TTN: variants seen among roughly 807,000 people sequenced by gnomAD.
TTN encodes connectin.
A neutral mutation model predicts 3,223.0 loss-of-function variants in TTN; 1,525 were observed. That is an observed-to-expected ratio of 0.47 (90% CI 0.45 to 0.49). The LOEUF (loss-of-function observed/expected upper bound fraction) is 0.49, where lower values mean the gene tolerates loss of function less well. TTN is among the 20% of genes least tolerant of loss of function. TTN has a pLI of 0.00. For missense variants in TTN, 40,786 were observed against 43,424.0 expected (o/e 0.94, Z 5.40); for synonymous variants, 14,094 against 15,161.0 (o/e 0.93, Z 5.17).
In TTN at chr2:178,727,722, T is replaced by G. The variant is rs368720026; in HGVS notation, c.19856A>C (p.Lys6619Thr). The G allele has an allele frequency of 8.7e-6, 14 of 1,613,214 alleles. No homozygotes were observed. In the African/African-American group the frequency reaches 1.3e-4, roughly 15 times the overall value. ...CGACCCTTCCAAGCCAATGAAACATTTAGGACCTGAGACAAGTTCCACATC... is the reference window on the plus strand; with the variant it reads ...CGACCCTTCCAAGCCAATGAAACATGTAGGACCTGAGACAAGTTCCACATC... Reference protein sequence around the residue: ...KDDVELVSGPKCFIGLEGSTS... With the variant: ...KDDVELVSGPTCFIGLEGSTS... Residue 6619 changes from lysine (K) to threonine (T), a missense_variant, in exon 68 of 363, where the codon AAA (lysine) becomes ACA (threonine). Physicochemically the swap from Lys to Thr is moderately conservative, Grantham distance 78. Coordinates refer to ENST00000589042, the MANE Select transcript of TTN (RefSeq NM_001267550.2).
intron 259 of TTN, 132 bp downstream of exon 259, chr2:178,615,175 T>G: frequency 1.7e-6 from 2 of 1,193,196 alleles, no homozygotes; most frequent in Non-Finnish European, 2.4e-6. Flanking sequence ...GCAGCACCTT[T>G]AAAAATCAGA....
chr2:178,793,379 A>G, intron 9 of TTN, 25 bp downstream of exon 9: 1 of 1,613,278 alleles, frequency 6.2e-7, no homozygotes, highest in Non-Finnish European at 8.5e-7. Context: ...ACCTCAGTGA[A>G]TTTAAAATAC....
intron 235 of TTN, 32 bp from the exon 236 acceptor site, chr2:178,632,445 T>C (rs1222700839): frequency 1.9e-6 from 3 of 1,577,728 alleles, no homozygotes; most frequent in South Asian, 2.4e-5. Flanking sequence ...AACTTATTAA[T>C]TGAAGCACTT....
At chr2:178,745,866 C>T (rs1167589261) in intron 47 of TTN, 2 of 1,612,624 alleles carry the variant, frequency 1.2e-6, no homozygotes, top group Admixed American at 3.3e-5. Flanking sequence ...CTGGGAGGCC[C>T]TTCCACCACC....
rs141005138 is a variant in TTN, at chr2:178,572,393, A to G, written c.73739T>C (p.Val24580Ala). The G allele has an allele frequency of 6.2e-6, 10 of 1,613,078 alleles. No homozygotes were observed. In the African/African-American group the frequency reaches 9.3e-5, roughly 15 times the overall value. ...GCTACAGCCTTCTTGAAGCTGGTCT[A>G]CCTTCCAGGAAGTCTTGTGGCAGTT... Reference protein sequence around the residue: ...ATNCHKTSWKVDQLQEGCSYY... With the variant: ...ATNCHKTSWKADQLQEGCSYY... Residue 24580 changes from valine to alanine, a missense_variant, in exon 326 of 363, where the codon GTA becomes GCA. Transcript: ENST00000589042.
intron 68 of TTN, 92 bp downstream of exon 68, chr2:178,727,493 C>T: frequency 1.3e-6 from 2 of 1,497,172 alleles, no homozygotes; most frequent in East Asian, 2.3e-5. Flanking sequence ...AGAAAGAATA[C>T]TACTTTCTTG....
Position 178,570,295 on chromosome 2 carries a change from T to C in TTN, c.75837A>G (p.Ile25279Met), listed in dbSNP as rs897348852. 6.2e-7 allele frequency: 1 copy of C among 1,613,242 alleles called. No homozygotes were observed. Among genetic ancestry groups the C allele is most frequent in the Non-Finnish European group, 8.5e-7 (1 of 1,179,620 alleles). The change falls in exon 326 of 363, where the codon ATA becomes ATG. Residue 25279 changes from isoleucine to methionine, a missense_variant. Coordinates refer to ENST00000589042, the MANE Select transcript of TTN (RefSeq NM_001267550.2). Reference protein sequence around the residue: ...LLEGNEYTFRIMAVNKYGVGE... With the variant: ...LLEGNEYTFRMMAVNKYGVGE... ...CAACACCATATTTGTTTACTGCCAT[T>C]ATACGGAAAGTATATTCATTGCCTT...
Position 178,734,811 on chromosome 2 carries a change from A to G in TTN, c.15113T>C (p.Ile5038Thr), listed in dbSNP as rs949151920. The G allele has an allele frequency of 6.2e-7, 1 of 1,613,850 alleles. No individual in the cohort carries two copies. Reference sequence around the variant, plus strand: ...AACTTTTACATCCGTAATATCAAGTATAGCCTCAGAATTGACAAAATACAT... The same window carrying G: ...AACTTTTACATCCGTAATATCAAGTGTAGCCTCAGAATTGACAAAATACAT... ...VRMYFVNSEA[I>T]LDITDVKVED... Residue 5038 changes from isoleucine to threonine, a missense_variant, in exon 51 of 363, where the codon ATA (isoleucine) becomes ACA (threonine). Coordinates refer to ENST00000589042, the MANE Select transcript of TTN (RefSeq NM_001267550.2).
chr2:178,721,651 C>T (rs150051168), intron 78 of TTN, among the ~76,000 whole-genome samples, 196 bp downstream of exon 78: 5 of 152,198 alleles, frequency 3.3e-5, no homozygotes, highest in African/African-American at 1.2e-4. Flanking sequence ...TAAGATTACA[C>T]TTAGAGTTAC....
rs773941728 is a variant in TTN, at chr2:178,730,170, G to T, written c.18230C>A (p.Thr6077Asn). 2.3e-5 allele frequency: 37 copies of T among 1,613,296 alleles called. No homozygotes were observed. Among genetic ancestry groups the T allele is most frequent in the Non-Finnish European group, 3.1e-5 (36 of 1,179,660 alleles). ...TTGGCAAATGTAGGTTCCAGAATCG[G>T]TAGCTTTGGCTGCAAAGAGCTCTAG... is the stretch of plus-strand genomic sequence containing the variant. ...TSLELFAAKA[T>N]DSGTYICQLS... The change falls in exon 62 of 363, where the codon ACC becomes AAC. Residue 6077 changes from threonine to asparagine, a missense_variant. Physicochemically the swap from Thr to Asn is moderately conservative, Grantham distance 65. Coordinates refer to ENST00000589042, the MANE Select transcript of TTN (RefSeq NM_001267550.2).
chr2:178,621,885 A>G lies in TTN; in HGVS notation c.45037T>C (p.Cys15013Arg). The G allele has an allele frequency of 6.2e-7, 1 of 1,612,290 alleles. No homozygotes were observed. Among genetic ancestry groups the G allele is most frequent in the Non-Finnish European group, 8.5e-7 (1 of 1,179,022 alleles). The part of the protein sequence containing the change: ...CLLDDEAEYS[C>R]EVRTARTSGM... ...GAAGTTCTCGCTGTCCTTACTTCACAGGAATATTCAGCTTCATCATCCAGT... is the reference window on the plus strand; with the variant it reads ...GAAGTTCTCGCTGTCCTTACTTCACGGGAATATTCAGCTTCATCATCCAGT... The change falls in exon 244 of 363, where the codon TGT becomes CGT. Residue 15013 changes from cysteine (C) to arginine (R), a missense_variant. Physicochemically the swap from Cys to Arg is radical, Grantham distance 180. Coordinates refer to ENST00000589042, the MANE Select transcript of TTN (RefSeq NM_001267550.2).
chr2:178,782,437 G>T lies in TTN; in HGVS notation c.3165-10C>A, dbSNP rs1561358979. On this transcript the variant is annotated splice_polypyrimidine_tract_variant and intron_variant, in intron 19 of 362. Transcript: ENST00000589042. ...TCTTGACTCAACAAAGCTGGAAAGA[G>T]AATTCCCCTCATATTAGCTTCCGGG... 1 of 1,613,942 alleles carries T rather than the reference G, an allele frequency of 6.2e-7. No homozygotes were observed. The highest frequency in any genetic ancestry group is 1.3e-5 in the African/African-American group (1 of 74,914).
rs2077990712 is a variant in TTN, at chr2:178,719,392, C to A, written c.23998G>T (p.Ala8000Ser). ...KLKDVNAILGASVVLECRVSG... is the reference protein window; with the variant it reads ...KLKDVNAILGSSVVLECRVSG... ...ACTCGGCACTCCAAAACAACTGAGGCCCCCAGGATGGCATTCACGTCTTTC... is the reference window on the plus strand; with the variant it reads ...ACTCGGCACTCCAAAACAACTGAGGACCCCAGGATGGCATTCACGTCTTTC... The change falls in exon 83 of 363, where the codon GCC becomes TCC. Residue 8000 changes from alanine (A) to serine (S), a missense_variant. Coordinates refer to ENST00000589042, the MANE Select transcript of TTN (RefSeq NM_001267550.2). 6.2e-7 allele frequency: 1 copy of A among 1,613,586 alleles called. No individual in the cohort carries two copies. Among genetic ancestry groups the A allele is most frequent in the Non-Finnish European group, 8.5e-7 (1 of 1,179,682 alleles).
chr2:178,533,756 G>T lies in TTN; in HGVS notation c.102859C>A (p.Pro34287Thr). ...CCTGATTTATACCATGTTACATGAG[G>T]CTCTGGGTGGACAGTTATAGTTACT... ...FGVTITVHPE[P>T]HVTWYKSGQK... Residue 34287 changes from proline to threonine, a missense_variant, in exon 358 of 363, where the codon CCT (proline) becomes ACT (threonine). Coordinates refer to ENST00000589042, the MANE Select transcript of TTN (RefSeq NM_001267550.2). 6.2e-7 allele frequency: 1 copy of T among 1,613,900 alleles called. No homozygotes were observed. Among genetic ancestry groups the T allele is most frequent in the Non-Finnish European group, 8.5e-7 (1 of 1,179,862 alleles).
In TTN at chr2:178,545,710, GGAT is replaced by G; in HGVS notation, c.95417-20_95417-18del. 1 of 1,606,892 alleles carries G rather than the reference GGAT, an allele frequency of 6.2e-7. No homozygotes were observed. Among genetic ancestry groups the G allele is most frequent in the Non-Finnish European group, 8.5e-7 (1 of 1,175,088 alleles). On this transcript the variant is annotated intron_variant, in intron 343 of 362. Transcript: ENST00000589042. ...ATGGAATAGCTGTTTATGAAAATAA[GGAT>G]GATGAGAATTGCACAAAATTACTAT...
rs367685188 is a variant in TTN, at chr2:178,729,768, G to A, written c.18485C>T (p.Thr6162Ile). The A allele has an allele frequency of 3.7e-6, 6 of 1,613,656 alleles. No individual in the cohort carries two copies. In the African/African-American group the frequency reaches 8.0e-5, roughly 22 times the overall value. Residue 6162 changes from threonine (T) to isoleucine (I), a missense_variant, in exon 63 of 363, where the codon ACT becomes ATT. Transcript: ENST00000589042. ...HGISFIDGLA[T>I]FQISGARVEN... is the part of the protein sequence containing the mutation. The stretch of plus-strand genomic sequence containing the variant: ...TACCCTGGCACCAGAAATCTGGAAA[G>A]TGGCTAAACCATCAATGAAGGAAAT...
chr2:178,740,601 C>A lies in TTN; in HGVS notation c.12632G>T (p.Gly4211Val). 6.2e-7 allele frequency: 1 copy of A among 1,613,748 alleles called. No individual in the cohort carries two copies. The highest frequency in any genetic ancestry group is 2.2e-5 in the East Asian group (1 of 44,844). The change falls in exon 48 of 363, where the codon GGG (glycine) becomes GTG (valine). Residue 4211 changes from glycine to valine, a missense_variant. Physicochemically the swap from Gly to Val is moderately radical, Grantham distance 109. Transcript: ENST00000589042. Reference protein sequence around the residue: ...PLKTLLAEPEGNYPQSSIEPP... With the variant: ...PLKTLLAEPEVNYPQSSIEPP... ...TTCTATTGAAGACTGTGGATAATTCCCTTCAGGTTCAGCTAATAAAGTTTT... is the reference window on the plus strand; with the variant it reads ...TTCTATTGAAGACTGTGGATAATTCACTTCAGGTTCAGCTAATAAAGTTTT...
chr2:178,735,060 A>C (rs2081214136), intron 50 of TTN, 72 bp from the exon 51 acceptor site: 1 of 1,442,810 alleles, frequency 6.9e-7, no homozygotes, highest in Non-Finnish European at 9.2e-7. Context: ...AAAAGTAGAC[A>C]TATACAACAA....
In TTN at chr2:178,545,387, C is replaced by T. The variant is rs112318053; in HGVS notation, c.95722+1G>A. On this transcript the variant is annotated splice_donor_variant, in intron 344 of 362. Coordinates refer to ENST00000589042, the MANE Select transcript of TTN (RefSeq NM_001267550.2). LOFTEE classifies it high-confidence loss of function. ...ATTTATGTATGATTCTTGGAGCTCA[C>T]ATGATGGTTCTCTGCATGAGATGAA... 1 of 1,552,998 alleles carries T rather than the reference C, an allele frequency of 6.4e-7. No individual in the cohort carries two copies. The highest frequency in any genetic ancestry group is 8.7e-7 in the Non-Finnish European group (1 of 1,147,746).
Sources: gnomAD v4.1 joint callset for allele counts (sites outside exome capture counted in the v4.1 genomes callset) on GRCh38, gnomAD v4.1.1 for gene constraint, MANE v1.5 for transcripts, NCBI Gene and HGNC (gene_info 2026-07-23, HGNC 2026-07-21) for gene names.